The following POLR2J variants were observed in gnomAD, a reference collection of about 807,000 sequenced individuals.
The protein encoded by POLR2J is RNA polymerase II subunit J.
In POLR2J, 12 loss-of-function variants were observed where a neutral mutation model predicts 13.4. The ratio of observed to expected loss-of-function variants is 0.90; its 90% CI spans 0.57 to 1.45. The LOEUF (loss-of-function observed/expected upper bound fraction) is 1.45. POLR2J is among the 40% of genes most tolerant of loss of function. The pLI, the probability that POLR2J is intolerant of heterozygous loss-of-function variation, is 0.00. For missense variants in POLR2J, 58 were observed against 132.0 expected (o/e 0.44, Z 2.75); for synonymous variants, 31 against 53.6 (o/e 0.58, Z 1.84).
chr7:102,474,948 A>G (rs1586750113), intron 2 of POLR2J, among the ~76,000 whole-genome samples: 1 of 149,410 alleles, frequency 6.7e-6, no homozygotes, highest in Non-Finnish European at 1.5e-5. Flanking sequence ...TGCAAATGGA[A>G]CTCTGCCCTC....
At position 102,478,888 on chromosome 7, in the gene POLR2J, C is replaced by G. The variant is rs746362187; in HGVS notation, c.-28G>C. On this transcript the variant is annotated 5_prime_UTR_variant, in exon 1 of 4. Coordinates refer to ENST00000292614, the MANE Select transcript of POLR2J (RefSeq NM_006234.6). ...TCCCGCCGCCGTTGCGTCCAGACCC[C>G]AAGGGTCCGCCGCCGCCGCCACCAG... is the stretch of plus-strand genomic sequence containing the variant. 1 of 1,610,142 alleles carries G rather than the reference C, an allele frequency of 6.2e-7. No individual in the cohort carries two copies. The highest frequency in any genetic ancestry group is 8.5e-7 in the Non-Finnish European group (1 of 1,179,550).
At chr7:102,473,920 G>C in intron 3 of POLR2J, 1 of 1,435,376 alleles carries the variant, frequency 7.0e-7, no homozygotes, top group Admixed American at 2.9e-5. Context: ...AGACGACTCA[G>C]ACGTTGAAAT....
rs1228655431 is a variant in POLR2J at position 102,476,261 on chromosome 7, A to G, written c.63T>C (p.Ile21=). Residue 21 remains isoleucine, a synonymous_variant, in exon 2 of 4, where the codon ATT becomes ATC. Transcript: ENST00000292614. Reference sequence around the variant, plus strand: ...CATTGGGTACCTTGGTGTCCTTGTTAATGGTGATCCTAGGAAGACACAGAG... The same window carrying G: ...CATTGGGTACCTTGGTGTCCTTGTTGATGGTGATCCTAGGAAGACACAGAG... ...LLFEGEKKIT[I]NKDTKVPNAC... The G allele has an allele frequency of 1.2e-6, 1 of 831,094 alleles. No homozygotes were observed. The highest frequency in any genetic ancestry group is 2.6e-5 in the East Asian group (1 of 38,962). The allele number at this position is 831,094 out of a possible 1,614,324, so 51.5% of individuals were successfully genotyped here.
At chr7:102,475,393 G>A (rs1015705715) in intron 2 of POLR2J, among the ~76,000 whole-genome samples, 17 of 152,204 alleles carry the variant, frequency 1.1e-4, no homozygotes, top group Non-Finnish European at 2.1e-4. Flanking sequence ...ACCAACCAAT[G>A]CAGGGTGCCC....
rs567394344 is a variant in POLR2J at position 102,476,480 on chromosome 7, GA to G, written c.54-211del. Among the ~76,000 whole-genome samples, 326 of 147,178 alleles carry G rather than the reference GA, an allele frequency of 2.2e-3. 11 individuals carry two copies. The highest frequency in any genetic ancestry group is 8.0e-3 in the African/African-American group (299 of 37,380). ...ACCCTGCCTGTACTAAAAATACAAA[GA>G]AAAAAAAAATTAGCTGAGTGTGGTG... On this transcript the variant is annotated intron_variant, in intron 1 of 3. Coordinates refer to ENST00000292614, the MANE Select transcript of POLR2J (RefSeq NM_006234.6).
At chr7:102,473,902 T>G (rs958366110) in intron 3 of POLR2J, 1 of 1,437,480 alleles carries the variant, frequency 7.0e-7, no homozygotes, top group Non-Finnish European at 9.1e-7. Context: ...AGAGGCTTCC[T>G]GGTGAGCAGA....
Position 102,473,639 on chromosome 7 carries a change from C to G in POLR2J, c.*10G>C. 6.3e-7 allele frequency: 1 copy of G among 1,599,054 alleles called. No individual in the cohort carries two copies. The highest frequency in any genetic ancestry group is 1.4e-5 in the African/African-American group (1 of 71,270). On this transcript the variant is annotated 3_prime_UTR_variant, in exon 4 of 4. Transcript: ENST00000292614. Reference sequence around the variant, plus strand: ...GGGGCTCACAGGCCGAGCAGAGCCCCCTCTGGCCCCTACTCAATTCCTTCC... The same window carrying G: ...GGGGCTCACAGGCCGAGCAGAGCCCGCTCTGGCCCCTACTCAATTCCTTCC...
chr7:102,478,519 C>A (rs1168851622), intron 1 of POLR2J, among the ~76,000 whole-genome samples: 1 of 152,012 alleles, frequency 6.6e-6, no homozygotes, highest in East Asian at 1.9e-4. Flanking sequence ...TGCCAGATCC[C>A]AGAGGAAAAG....
intron 3 of POLR2J, chr7:102,473,938 G>A: frequency 6.3e-6 from 9 of 1,434,606 alleles, no homozygotes; most frequent in Non-Finnish European, 8.2e-6. Context: ...AATCCCCCAA[G>A]CTGTGGCTCT....
At chr7:102,473,890 C>G in intron 3 of POLR2J, 1 of 1,440,436 alleles carries the variant, frequency 6.9e-7, no homozygotes, top group Non-Finnish European at 9.1e-7. Flanking sequence ...GTCAGAGGCC[C>G]CAGAGGCTTC....
chr7:102,474,361 C>G lies in POLR2J; in HGVS notation c.318G>C (p.Arg106=). 1.2e-6 allele frequency: 2 copies of G among 1,612,080 alleles called. No homozygotes were observed. The highest frequency in any genetic ancestry group is 1.3e-5 in the African/African-American group (1 of 74,916). ...CTGCCCCTCCAGGCCCCGCCCTCAC[C>G]CGAAAGCGCTCCTCCAGCAGGGACA... ...SELSLLEERF[R]VAIKDKQEGI... Residue 106 remains arginine, a splice_region_variant and synonymous_variant, in exon 3 of 4, where the codon CGG becomes CGC. Transcript: ENST00000292614.
chr7:102,478,009 G>A (rs1798474937), intron 1 of POLR2J, among the ~76,000 whole-genome samples: 1 of 112,778 alleles, frequency 8.9e-6, no homozygotes, highest in Admixed American at 9.8e-5. Flanking sequence ...TTGAAACGGA[G>A]TTTCGCTCTT....
intron 3 of POLR2J, 98 bp downstream of exon 3, chr7:102,474,263 C>T (rs1359351769): frequency 6.2e-6 from 10 of 1,606,958 alleles, no homozygotes; most frequent in Admixed American, 5.1e-5. Flanking sequence ...CGCCTCTCCC[C>T]CAGGACCTCC....
chr7:102,478,588 G>A (rs1052946556), intron 1 of POLR2J, among the ~76,000 whole-genome samples: 1 of 151,302 alleles, frequency 6.6e-6, no homozygotes, highest in Non-Finnish European at 1.5e-5. Context: ...TCCTGTGTCC[G>A]GGGCAACTTG....
chr7:102,473,862 A>T, intron 3 of POLR2J, 178 bp from the exon 4 acceptor site: 3 of 1,444,034 alleles, frequency 2.1e-6, no homozygotes, highest in Non-Finnish European at 2.7e-6. Context: ...GCCATTCTCT[A>T]TGGCAGCCCC....
At chr7:102,477,928 C>T (rs1236273770) in intron 1 of POLR2J, among the ~76,000 whole-genome samples, 2 of 130,274 alleles carry the variant, frequency 1.5e-5, no homozygotes, top group African/African-American at 5.4e-5. Flanking sequence ...AATCCTCCCA[C>T]CTGAGCCTCC....
In POLR2J at chr7:102,478,736, G is replaced by T. The variant is rs1025804290; in HGVS notation, c.53+72C>A. The T allele has an allele frequency of 1.7e-5, 27 of 1,598,060 alleles. No homozygotes were observed. In the African/African-American group the frequency reaches 3.4e-4, roughly 20 times the overall value. ...TGTTTCCCTCCCGGGGCAAGAGATG[G>T]GCAGGAGACACCCCAGAATGCGACA... On this transcript the variant is annotated intron_variant, in intron 1 of 3. Transcript: ENST00000292614.
chr7:102,473,260 A>ACTC lies in POLR2J; in HGVS notation c.*386_*388dup, dbSNP rs1183829574. On this transcript the variant is annotated 3_prime_UTR_variant, in exon 4 of 4. Coordinates refer to ENST00000292614, the MANE Select transcript of POLR2J (RefSeq NM_006234.6). ...AGGAGTTGAGGCTTCTAGAGCAGAG[A>ACTC]CTCTTGGGAGCTCATGGGTTTGCAC... 2 of 635,936 alleles carry ACTC rather than the reference A, an allele frequency of 3.1e-6. No individual in the cohort carries two copies. Among genetic ancestry groups the ACTC allele is most frequent in the African/African-American group, 3.7e-5 (2 of 54,076 alleles). The allele number at this position is 635,936 out of a possible 1,614,324, so 39.4% of individuals were successfully genotyped here. A position where few individuals can be genotyped will look rare whatever the true frequency, so the allele number is the denominator to read the frequency against.
In POLR2J at chr7:102,473,408, G is replaced by A; in HGVS notation, c.*241C>T. The A allele has an allele frequency of 1.6e-6, 1 of 613,766 alleles. No homozygotes were observed. Among genetic ancestry groups the A allele is most frequent in the Non-Finnish European group, 2.7e-6 (1 of 367,524 alleles). 38.0% of individuals were successfully genotyped at this position (613,766 alleles called of 1,614,324 possible). ...CAGGTCATCTGCCTGCATCAAGCCTGACAATCCATTTGCTTGCGAAGTCAC... is the reference window on the plus strand; with the variant it reads ...CAGGTCATCTGCCTGCATCAAGCCTAACAATCCATTTGCTTGCGAAGTCAC... On this transcript the variant is annotated 3_prime_UTR_variant, in exon 4 of 4. Coordinates refer to ENST00000292614, the MANE Select transcript of POLR2J (RefSeq NM_006234.6).
Sources: gnomAD v4.1 joint callset for allele counts (sites outside exome capture counted in the v4.1 genomes callset) on GRCh38, gnomAD v4.1.1 for gene constraint, MANE v1.5 for transcripts, NCBI Gene and HGNC (gene_info 2026-07-23, HGNC 2026-07-21) for gene names.